The following ZNF382 variants were observed in gnomAD, a reference collection of about 807,000 sequenced individuals.
ZNF382 encodes the protein KRAB/zinc finger suppressor protein 1.
ZNF382 carries 20 observed loss-of-function variants against 38.8 expected under a neutral mutation model. The ratio of observed to expected loss-of-function variants is 0.51; its 90% CI spans 0.36 to 0.75. The LOEUF (loss-of-function observed/expected upper bound fraction) is 0.75, where lower values mean the gene tolerates loss of function less well. Ranked by LOEUF, ZNF382 falls within the 30% of genes least tolerant of loss-of-function variation. ZNF382 has a pLI of 0.00. For synonymous variants in ZNF382, 202 were observed against 223.1 expected (o/e 0.91, Z 0.84); for missense variants, 546 against 654.1 (o/e 0.83, Z 1.80).
intron 4 of ZNF382, among the ~76,000 whole-genome samples, chr19:36,621,591 TACACACACACAC>T (rs34609656): frequency 1.4e-5 from 2 of 145,206 alleles, no homozygotes; most frequent in Non-Finnish European, 3.1e-5. Context: ...TAGAAAAAAA[TACACACACACAC>T]ACACACACAC....
chr19:36,624,501 G>A (rs749120401), intron 4 of ZNF382, among the ~76,000 whole-genome samples: 1 of 152,130 alleles, frequency 6.6e-6, no homozygotes, highest in Admixed American at 6.6e-5. Flanking sequence ...ATGGTAGTAA[G>A]GCAACAATAG....
At chr19:36,621,324 G>GTTTTTTTTTTTTTTTTTTTTT (rs10557413) in intron 4 of ZNF382, among the ~76,000 whole-genome samples, 6 of 104,470 alleles carry the variant, frequency 5.7e-5, no homozygotes, top group Non-Finnish European at 7.5e-5. Flanking sequence ...TTTTTCCCTA[G>GTTTTTTTTTTTTTTTTTTTTT]TTTTTTTTTT....
Position 36,627,590 on chromosome 19 carries a change from T to C in ZNF382, c.*40T>C. The C allele has an allele frequency of 6.8e-7, 1 of 1,460,098 alleles. No individual in the cohort carries two copies. The highest frequency in any genetic ancestry group is 9.5e-7 in the Non-Finnish European group (1 of 1,051,368). 90.4% of individuals were successfully genotyped at this position (1,460,098 alleles called of 1,614,324 possible). A position where few individuals can be genotyped will look rare whatever the true frequency, so the allele number is the denominator to read the frequency against. On this transcript the variant is annotated 3_prime_UTR_variant, in exon 5 of 5. Transcript: ENST00000292928. ...TTTGTAAAAAAATGTTAAGTCATAG[T>C]AAACCCTGTAGATGATGTTGCTTGC... is the stretch of plus-strand genomic sequence containing the variant.
intron 4 of ZNF382, among the ~76,000 whole-genome samples, chr19:36,614,934 T>TCCCTTTCCCTTTCCCTTC (rs2037112429): frequency 7.5e-6 from 1 of 132,570 alleles, no homozygotes; most frequent in Non-Finnish European, 1.6e-5. Flanking sequence ...CCTTTCCCTT[T>TCCCTTTCCCTTTCCCTTC]CCCTTTCCCT....
At chr19:36,619,824 G>A (rs1183752720) in intron 4 of ZNF382, among the ~76,000 whole-genome samples, 1 of 151,448 alleles carries the variant, frequency 6.6e-6, no homozygotes, top group Non-Finnish European at 1.5e-5. Flanking sequence ...TCCGCCTCCC[G>A]AGTTCACACC....
Position 36,626,560 on chromosome 19 carries a change from C to T in ZNF382, c.663C>T (p.Phe221=). 1 of 1,613,484 alleles carries T rather than the reference C, an allele frequency of 6.2e-7. No individual in the cohort carries two copies. Among genetic ancestry groups the T allele is most frequent in the Non-Finnish European group, 8.5e-7 (1 of 1,179,874 alleles). ...PFDHNECEKS[F]LMKGMLFTHT... is the part of the protein sequence containing the mutation. ...ACCATAATGAATGTGAAAAATCCTTCCTGATGAAAGGAATGCTATTTACAC... is the reference window on the plus strand; with the variant it reads ...ACCATAATGAATGTGAAAAATCCTTTCTGATGAAAGGAATGCTATTTACAC... Residue 221 remains phenylalanine (F), a synonymous_variant, in exon 5 of 5, where the codon TTC becomes TTT. Coordinates refer to ENST00000292928, the MANE Select transcript of ZNF382 (RefSeq NM_032825.5).
intron 4 of ZNF382, among the ~76,000 whole-genome samples, chr19:36,622,642 C>T (rs890261172): frequency 4.6e-5 from 7 of 152,144 alleles, no homozygotes; most frequent in South Asian, 2.1e-4. Context: ...CAGTTTCCAG[C>T]GCCTTAGGAA....
rs1256901653 is a variant in ZNF382 at position 36,626,510 on chromosome 19, G to T, written c.613G>T (p.Val205Phe). The change falls in exon 5 of 5, where the codon GTT becomes TTT. Residue 205 changes from valine (V) to phenylalanine (F), a missense_variant. By Grantham distance (50) the Val-to-Phe change is conservative. Transcript: ENST00000292928. ...GKQELIQHQKVQAPEQPFDHN... is the reference protein window; with the variant it reads ...GKQELIQHQKFQAPEQPFDHN... ...ACAGGAGCTTATTCAGCATCAGAAG[G>T]TTCAAGCTCCAGAGCAACCATTTGA... 6.2e-7 allele frequency: 1 copy of T among 1,608,610 alleles called. No individual in the cohort carries two copies. Among genetic ancestry groups the T allele is most frequent in the Non-Finnish European group, 8.5e-7 (1 of 1,178,262 alleles).
intron 4 of ZNF382, among the ~76,000 whole-genome samples, chr19:36,624,030 A>G (rs569074902): frequency 4.1e-4 from 62 of 152,180 alleles, no homozygotes; most frequent in Admixed American, 1.1e-3. Flanking sequence ...CGGAGGTTGC[A>G]GTGAGCTGAG....
intron 4 of ZNF382, among the ~76,000 whole-genome samples, chr19:36,615,044 A>G (rs1168944127): frequency 7.6e-6 from 1 of 131,362 alleles, no homozygotes; most frequent in African/African-American, 3.0e-5. Flanking sequence ...GTGCAGTGGC[A>G]TGATCTCGGC....
At chr19:36,606,710 C>G (rs535667613) in intron 1 of ZNF382, among the ~76,000 whole-genome samples, 7 of 152,000 alleles carry the variant, frequency 4.6e-5, no homozygotes, top group Non-Finnish European at 8.8e-5. Flanking sequence ...TTCCTACTCC[C>G]TTAGGCTTGC....
rs377727509 is a variant in ZNF382, at chr19:36,626,924, G to A, written c.1027G>A (p.Glu343Lys). 8 of 1,613,968 alleles carry A rather than the reference G, an allele frequency of 5.0e-6. No homozygotes were observed. The highest frequency in any genetic ancestry group is 6.8e-6 in the Non-Finnish European group (8 of 1,179,972). ...TCAGAAGACAGCCCTCACCCTTCAT[G>A]AGAAAACACATATAGAGGGGAAACC... ...FRQKTALTLHEKTHIEGKPFI... is the reference protein window; with the variant it reads ...FRQKTALTLHKKTHIEGKPFI... Residue 343 changes from glutamate (E) to lysine (K), a missense_variant, in exon 5 of 5, where the codon GAG becomes AAG. Coordinates refer to ENST00000292928, the MANE Select transcript of ZNF382 (RefSeq NM_032825.5).
intron 4 of ZNF382, among the ~76,000 whole-genome samples, chr19:36,618,766 A>C (rs577338340): frequency 3.9e-5 from 6 of 152,098 alleles, no homozygotes; most frequent in Non-Finnish European, 8.8e-5. Flanking sequence ...AGCCGGGCAC[A>C]GTGGTTCATG....
At chr19:36,621,690 T>G (rs1002791105) in intron 4 of ZNF382, among the ~76,000 whole-genome samples, 8 of 152,088 alleles carry the variant, frequency 5.3e-5, no homozygotes, top group Non-Finnish European at 1.2e-4. Context: ...GTATAAGTCA[T>G]GTAGAGATGA....
chr19:36,613,031 T>C (rs1325684302), intron 4 of ZNF382, among the ~76,000 whole-genome samples: 1 of 152,184 alleles, frequency 6.6e-6, no homozygotes, highest in Admixed American at 6.5e-5. Context: ...GACCTTGTCA[T>C]CCGCCCACCT....
chr19:36,630,089 T>C lies in ZNF382; in HGVS notation c.*2539T>C, dbSNP rs530383801. ...CCTTACGATTACATACCTTAATAATTACAACTCAATTGAGGGGTCCATATA... is the reference window on the plus strand; with the variant it reads ...CCTTACGATTACATACCTTAATAATCACAACTCAATTGAGGGGTCCATATA... On this transcript the variant is annotated 3_prime_UTR_variant, in exon 5 of 5. Transcript: ENST00000292928. The C allele has an allele frequency of 6.6e-6, 1 of 152,288 alleles. No homozygotes were observed. The highest frequency in any genetic ancestry group is 2.4e-5 in the African/African-American group (1 of 41,562). The allele number at this position is 152,288 out of a possible 1,614,324, so 9.4% of individuals were successfully genotyped here. A position where few individuals can be genotyped will look rare whatever the true frequency, so the allele number is the denominator to read the frequency against.
At chr19:36,609,328 A>G (rs2037059116) in intron 2 of ZNF382, 1 of 152,248 alleles carries the variant, frequency 6.6e-6, no homozygotes, top group African/African-American at 2.4e-5. Flanking sequence ...AAAATCTAGT[A>G]TCATGTCATA....
At chr19:36,624,294 C>T (rs2037192882) in intron 4 of ZNF382, among the ~76,000 whole-genome samples, 1 of 152,166 alleles carries the variant, frequency 6.6e-6, no homozygotes, top group South Asian at 2.1e-4. Flanking sequence ...ATTTGAGATT[C>T]ATTCTTGTTG....
intron 3 of ZNF382, 34 bp downstream of exon 3, chr19:36,610,087 C>T: frequency 6.2e-7 from 1 of 1,605,774 alleles, no homozygotes; most frequent in Non-Finnish European, 8.5e-7. Context: ...CACTGTCATG[C>T]ATCTCCTTCT....
Sources: gnomAD v4.1 joint callset for allele counts (sites outside exome capture counted in the v4.1 genomes callset) on GRCh38, gnomAD v4.1.1 for gene constraint, MANE v1.5 for transcripts, NCBI Gene and HGNC (gene_info 2026-07-23, HGNC 2026-07-21) for gene names.